The following NFIC variants were observed in gnomAD, a reference collection of about 807,000 sequenced individuals.
The protein encoded by NFIC is nuclear factor 1 C-type.
NFIC carries 12 observed loss-of-function variants against 54.4 expected under a neutral mutation model. That is an observed-to-expected ratio of 0.22 (90% confidence interval 0.14 to 0.36). The LOEUF (loss-of-function observed/expected upper bound fraction) is 0.36, where lower values mean the gene tolerates loss of function less well. Among genes scored for constraint, NFIC ranks in the 10% least tolerant of loss-of-function variants. NFIC has a pLI of 1.00. For synonymous variants in NFIC, 322 were observed against 319.2 expected (o/e 1.01, Z -0.09); for missense variants, 575 against 718.2 (o/e 0.80, Z 2.28).
At chr19:3,448,875 C>T in intron 6 of NFIC, 139 bp from the exon 7 acceptor site, 1 of 1,349,290 alleles carries the variant, frequency 7.4e-7, no homozygotes, top group Non-Finnish European at 1.0e-6. Flanking sequence ...GGGCTCACAG[C>T]CTCTCCCCCT....
intron 1 of NFIC, among the ~76,000 whole-genome samples, chr19:3,379,404 G>C (rs575289832): frequency 4.4e-4 from 67 of 151,430 alleles, no homozygotes; most frequent in African/African-American, 1.6e-3. Flanking sequence ...GCCCAGGCTG[G>C]AATGTAGTGG....
At chr19:3,378,973 G>C (rs1434106014) in intron 1 of NFIC, among the ~76,000 whole-genome samples, 1 of 152,134 alleles carries the variant, frequency 6.6e-6, no homozygotes, top group East Asian at 1.9e-4. Context: ...ACCTCCAGGC[G>C]GGCCTAGTGT....
intron 6 of NFIC, among the ~76,000 whole-genome samples, chr19:3,444,884 C>T (rs2082350035): frequency 6.6e-6 from 1 of 152,138 alleles, no homozygotes; most frequent in Non-Finnish European, 1.5e-5. Flanking sequence ...CACATGTATG[C>T]ATGCATGCTT....
At position 3,369,617 on chromosome 19, in the gene NFIC, G is replaced by A. The variant is rs1311389301; in HGVS notation, c.30+2951G>A. On this transcript the variant is annotated intron_variant, in intron 1 of 10. Coordinates refer to ENST00000443272, the MANE Select transcript of NFIC (RefSeq NM_001245002.2). The surrounding 1 kb of genome is among the most constrained non-coding windows in gnomAD (Gnocchi z 4.3). ...GGCCCTGGGGCATTCTGGGAGCCCCGGGCCGGGCTCAGCGGTGACTCAAGC... is the reference window on the plus strand; with the variant it reads ...GGCCCTGGGGCATTCTGGGAGCCCCAGGCCGGGCTCAGCGGTGACTCAAGC... Among the ~76,000 whole-genome samples, 6 of 152,110 alleles carry A rather than the reference G, an allele frequency of 3.9e-5. No individual in the cohort carries two copies. Among genetic ancestry groups the A allele is most frequent in the Admixed American group, 1.3e-4 (2 of 15,284 alleles).
chr19:3,363,606 T>A (rs547848272), upstream of NFIC, among the ~76,000 whole-genome samples: 1 of 152,138 alleles, frequency 6.6e-6, no homozygotes, highest in East Asian at 1.9e-4. Flanking sequence ...TGTGTGTGCA[T>A]GTGTGTGTAT....
chr19:3,433,567 C>T lies in NFIC; in HGVS notation c.684C>T (p.Val228=), dbSNP rs138225094. ...TTGTCACCTCCGGCGTGTTCAGCGT[C>T]ACTGAGCTCATCCAAGTGTCCCGGA... ...ESFVTSGVFS[V]TELIQVSRTP... Residue 228 remains valine (V), a synonymous_variant, in exon 4 of 11, where the codon GTC becomes GTT. Transcript: ENST00000443272. 3.7e-6 allele frequency: 6 copies of T among 1,614,046 alleles called. No homozygotes were observed. The highest frequency in any genetic ancestry group is 3.4e-6 in the Non-Finnish European group (4 of 1,179,920).
In NFIC at chr19:3,464,712, C is replaced by T. The variant is rs1055734862; in HGVS notation, c.*1943C>T. On this transcript the variant is annotated 3_prime_UTR_variant, in exon 11 of 11. Coordinates refer to ENST00000443272, the MANE Select transcript of NFIC (RefSeq NM_001245002.2). ...TAGCCTCAGGAGCTTGGCGAACCCG[C>T]TCGCTCCTAAAGAGAAAGACCCAGG... 10 of 985,284 alleles carry T rather than the reference C, an allele frequency of 1.0e-5. 1 individual carries two copies. The highest frequency in any genetic ancestry group is 1.0e-3 in the Middle Eastern group (2 of 1,938). 61.0% of individuals were successfully genotyped at this position (985,284 alleles called of 1,614,324 possible). A position where few individuals can be genotyped will look rare whatever the true frequency, so the allele number is the denominator to read the frequency against.
chr19:3,395,610 C>A (rs1194979577), intron 2 of NFIC, among the ~76,000 whole-genome samples: 1 of 151,690 alleles, frequency 6.6e-6, no homozygotes, highest in Non-Finnish European at 1.5e-5. Flanking sequence ...GATCCTCCTG[C>A]TTCAGCCTCC....
intron 10 of NFIC, among the ~76,000 whole-genome samples, chr19:3,460,658 C>T (rs961492331): frequency 9.2e-5 from 14 of 152,008 alleles, no homozygotes; most frequent in African/African-American, 3.1e-4. Flanking sequence ...GGATTACAGG[C>T]ACGTGCCACC....
At position 3,366,967 on chromosome 19, in the gene NFIC, C is replaced by CCA. The variant is rs1555737747; in HGVS notation, c.30+307_30+308dup. On this transcript the variant is annotated intron_variant, in intron 1 of 10. Transcript: ENST00000443272. ...TGGTCTGCAGATTTGCGTCCCCCCCCCACACACCGACGCACTCCGCACCCC... is the reference window on the plus strand; with the variant it reads ...TGGTCTGCAGATTTGCGTCCCCCCCCCACACACACCGACGCACTCCGCACCCC... Among the ~76,000 whole-genome samples, 273 of 150,698 alleles carry CCA rather than the reference C, an allele frequency of 1.8e-3. 2 individuals are homozygous for CCA. Among genetic ancestry groups the CCA allele is most frequent in the Non-Finnish European group, 3.0e-3 (205 of 67,282 alleles).
chr19:3,371,996 T>C (rs1333279797), intron 1 of NFIC, among the ~76,000 whole-genome samples: 1 of 62,626 alleles, frequency 1.6e-5, no homozygotes, highest in Non-Finnish European at 3.2e-5. Context: ...TCCCTCTCTC[T>C]CCCTCTCTCT....
chr19:3,452,586 C>G lies in NFIC; in HGVS notation c.1189C>G (p.Pro397Ala). 1.2e-6 allele frequency: 2 copies of G among 1,613,958 alleles called. No individual in the cohort carries two copies. Among genetic ancestry groups the G allele is most frequent in the Non-Finnish European group, 1.7e-6 (2 of 1,180,012 alleles). The change falls in exon 8 of 11, where the codon CCA (proline) becomes GCA (alanine). Residue 397 changes from proline to alanine, a missense_variant. This residue lies in a region of NFIC where 447 missense variants were observed against 526.9 expected (regional missense o/e 0.85). Coordinates refer to ENST00000443272, the MANE Select transcript of NFIC (RefSeq NM_001245002.2). This position sits in a 1 kb window ranked among gnomAD's most constrained non-coding sequence, Gnocchi z 5.3. ...CTTCCCCCACACGGCCATCCGCTAC[C>G]CACCTCATCTCAACCCCCAGGACCC... Reference protein sequence around the residue: ...TYFPHTAIRYPPHLNPQDPLK... With the variant: ...TYFPHTAIRYAPHLNPQDPLK...
At chr19:3,435,732 T>C (rs986515269) in intron 6 of NFIC, among the ~76,000 whole-genome samples, 1 of 152,136 alleles carries the variant, frequency 6.6e-6, no homozygotes, top group African/African-American at 2.4e-5. Context: ...CTGTAGGGTC[T>C]CCATTCCCAT....
intron 1 of NFIC, among the ~76,000 whole-genome samples, chr19:3,368,841 G>A (rs1430915002): frequency 6.6e-6 from 1 of 152,082 alleles, no homozygotes; most frequent in African/African-American, 2.4e-5. Flanking sequence ...CCCGAATCAC[G>A]TCCCCTCCGT....
rs1184789880 is a variant in NFIC, at chr19:3,453,722, G to A, written c.1270-41G>A. On this transcript the variant is annotated intron_variant, in intron 8 of 10. Coordinates refer to ENST00000443272, the MANE Select transcript of NFIC (RefSeq NM_001245002.2). This position sits in a 1 kb window ranked among gnomAD's most constrained non-coding sequence, Gnocchi z 6.7. The stretch of plus-strand genomic sequence containing the variant: ...CGGCGCCAGCAGCCCGAGGTAGAGG[G>A]GGAGCCCACCCCTTAACCACGTGTC... 6.4e-7 allele frequency: 1 copy of A among 1,570,910 alleles called. No individual in the cohort carries two copies. Among genetic ancestry groups the A allele is most frequent in the Middle Eastern group, 1.7e-4 (1 of 5,922 alleles).
Position 3,464,950 on chromosome 19 carries a change from G to C in NFIC, c.*2181G>C, listed in dbSNP as rs967138431. On this transcript the variant is annotated 3_prime_UTR_variant, in exon 11 of 11. Coordinates refer to ENST00000443272, the MANE Select transcript of NFIC (RefSeq NM_001245002.2). The stretch of plus-strand genomic sequence containing the variant: ...TCAGCCAGGGTGGGGGTCGTGGAGT[G>C]GGGGAGGGAGGCCAGCCGGGCTCCA... 1.3e-5 allele frequency: 2 copies of C among 152,384 alleles called. No individual in the cohort carries two copies. Among genetic ancestry groups the C allele is most frequent in the East Asian group, 1.9e-4 (1 of 5,152 alleles). 9.4% of individuals were successfully genotyped at this position (152,384 alleles called of 1,614,324 possible). A position where few individuals can be genotyped will look rare whatever the true frequency, so the allele number is the denominator to read the frequency against.
At chr19:3,431,463 G>T (rs2082120225) in intron 3 of NFIC, among the ~76,000 whole-genome samples, 1 of 147,220 alleles carries the variant, frequency 6.8e-6, no homozygotes, top group African/African-American at 2.6e-5. Context: ...CAACCTCCAG[G>T]GCTCGAGCTA....
At chr19:3,457,666 A>G (rs988753855) in intron 10 of NFIC, among the ~76,000 whole-genome samples, 1 of 151,906 alleles carries the variant, frequency 6.6e-6, no homozygotes, top group Admixed American at 6.5e-5. Flanking sequence ...GAGCGTGGAG[A>G]TGTATGGGGT....
intron 7 of NFIC, among the ~76,000 whole-genome samples, chr19:3,451,632 T>TAAAAAAAAAAAA (rs542068323): frequency 2.4e-4 from 31 of 131,562 alleles, no homozygotes; most frequent in African/African-American, 8.0e-4. Flanking sequence ...TTCTATCTCT[T>TAAAAAAAAAAAA]AAAAAAAAAA....
Sources: gnomAD v4.1 joint callset for allele counts (sites outside exome capture counted in the v4.1 genomes callset) on GRCh38, gnomAD v4.1.1 for gene constraint, gnomAD v4.1.1 regional missense constraint, Gnocchi (gnomAD v3.1) non-coding constraint, MANE v1.5 for transcripts, NCBI Gene and HGNC (gene_info 2026-07-23, HGNC 2026-07-21) for gene names.